The following STARD13 variants were observed in gnomAD, a reference collection of about 807,000 sequenced individuals.
STARD13 encodes StAR related lipid transfer domain containing 13.
In STARD13, 62 loss-of-function variants were observed where a neutral mutation model predicts 106.4. The observed-to-expected ratio is 0.58, with a 90% CI of 0.48 to 0.72. The LOEUF (loss-of-function observed/expected upper bound fraction) is 0.72, where lower values mean the gene tolerates loss of function less well. STARD13 is among the 30% of genes least tolerant of loss of function. The pLI, the probability that STARD13 is intolerant of heterozygous loss-of-function variation, is 0.00. For synonymous variants in STARD13, 565 were observed against 553.0 expected (o/e 1.02, Z -0.31); for missense variants, 1,387 against 1,424.0 (o/e 0.97, Z 0.42).
At chr13:33,445,411 A>G in the STARD13 span, among the ~76,000 whole-genome samples, 1 of 152,206 alleles carries the variant, frequency 6.6e-6, no homozygotes, top group East Asian at 1.9e-4. Flanking sequence ...CAATGAGTAG[A>G]AAAGGTTAAT....
At chr13:33,272,663 A>T (rs1891219944) in intron 1 of STARD13, 1 of 152,160 alleles carries the variant, frequency 6.6e-6, no homozygotes, top group African/African-American at 2.4e-5. Context: ...AAGCAGCCTG[A>T]AGGAAAGGTG....
the STARD13 span, among the ~76,000 whole-genome samples, chr13:33,497,446 G>A: frequency 6.6e-6 from 1 of 152,106 alleles, no homozygotes; most frequent in African/African-American, 2.4e-5. Context: ...TTTTGATAAA[G>A]AAGTGAGAAA....
the STARD13 span, among the ~76,000 whole-genome samples, chr13:33,563,913 T>C: frequency 0.098 from 14,444 of 147,172 alleles, 2,238 homozygotes; most frequent in East Asian, 0.33. Flanking sequence ...AGGGCACGGC[T>C]GGGCACTGTG....
At chr13:33,535,973 C>A in the STARD13 span, among the ~76,000 whole-genome samples, 8 of 152,098 alleles carry the variant, frequency 5.3e-5, no homozygotes, top group Non-Finnish European at 8.8e-5. Flanking sequence ...AGGCTTACAC[C>A]CCAGTTGGTC....
In STARD13 at chr13:33,104,464, A is replaced by G. The variant is rs1458433001; in HGVS notation, c.*1129T>C. 2 of 152,626 alleles carry G rather than the reference A, an allele frequency of 1.3e-5. No homozygotes were observed. The highest frequency in any genetic ancestry group is 2.4e-5 in the African/African-American group (1 of 41,432). 9.5% of individuals were successfully genotyped at this position (152,626 alleles called of 1,614,324 possible). A position where few individuals can be genotyped will look rare whatever the true frequency, so the allele number is the denominator to read the frequency against. ...AGATTGTAAAAGTTTAATGAATTACATTTTAAGAGTATCCTACACATAACA... is the reference window on the plus strand; with the variant it reads ...AGATTGTAAAAGTTTAATGAATTACGTTTTAAGAGTATCCTACACATAACA... On this transcript the variant is annotated 3_prime_UTR_variant, in exon 14 of 14. Transcript: ENST00000336934.
the STARD13 span, among the ~76,000 whole-genome samples, chr13:33,455,507 G>A: frequency 1.3e-5 from 2 of 152,220 alleles, no homozygotes; most frequent in African/African-American, 2.4e-5. Context: ...GTGATTTACC[G>A]GGCTTTAGTT....
chr13:33,341,576 G>A (rs796546493), intron 1 of STARD13, among the ~76,000 whole-genome samples: 10 of 148,606 alleles, frequency 6.7e-5, no homozygotes, highest in African/African-American at 2.5e-4. Context: ...GGGCGACAGA[G>A]CGAGACTCCG....
chr13:33,601,158 T>G, the STARD13 span, among the ~76,000 whole-genome samples: 1 of 151,944 alleles, frequency 6.6e-6, no homozygotes, highest in African/African-American at 2.4e-5. Context: ...TGCATCACAA[T>G]AGAGGATAAG....
At chr13:33,145,044 G>T (rs1880344021) in intron 3 of STARD13, among the ~76,000 whole-genome samples, 1 of 152,120 alleles carries the variant, frequency 6.6e-6, no homozygotes, top group African/African-American at 2.4e-5. Context: ...ATAGCTCTGG[G>T]TCCTTTTATT....
intron 1 of STARD13, among the ~76,000 whole-genome samples, chr13:33,182,472 C>T (rs1021454191): frequency 1.3e-5 from 2 of 152,190 alleles, no homozygotes; most frequent in Non-Finnish European, 2.9e-5. Flanking sequence ...CCACCTCTGT[C>T]TCCTGGACTT....
chr13:33,476,384 A>G, the STARD13 span, among the ~76,000 whole-genome samples: 4 of 152,240 alleles, frequency 2.6e-5, no homozygotes, highest in Non-Finnish European at 5.9e-5. Context: ...AGTTTTCAGC[A>G]CTATATCTAG....
At chr13:33,605,637 G>T in the STARD13 span, among the ~76,000 whole-genome samples, 1 of 152,122 alleles carries the variant, frequency 6.6e-6, no homozygotes, top group Non-Finnish European at 1.5e-5. Context: ...ACCACACTTT[G>T]AATAGCGCTG....
intron 1 of STARD13, among the ~76,000 whole-genome samples, chr13:33,206,955 A>C (rs1015348451): frequency 2.6e-5 from 4 of 152,242 alleles, no homozygotes; most frequent in African/African-American, 9.6e-5. Context: ...AAAGGCACAG[A>C]GTATGCTCTG....
At chr13:33,626,553 T>C in the STARD13 span, among the ~76,000 whole-genome samples, 1 of 152,202 alleles carries the variant, frequency 6.6e-6, no homozygotes, top group African/African-American at 2.4e-5. Flanking sequence ...AAAATAAAGC[T>C]GTTATTACAT....
chr13:33,636,629 A>G, the STARD13 span, among the ~76,000 whole-genome samples: 4 of 152,226 alleles, frequency 2.6e-5, no homozygotes. Context: ...TCAGAAGTCT[A>G]TTCCTGTATC....
chr13:33,440,184 T>C, the STARD13 span, among the ~76,000 whole-genome samples: 12 of 148,888 alleles, frequency 8.1e-5, no homozygotes, highest in South Asian at 4.3e-4. Flanking sequence ...AAGGCTAAGG[T>C]GGGAGGATCT....
At chr13:33,456,253 G>A in the STARD13 span, among the ~76,000 whole-genome samples, 133 of 152,264 alleles carry the variant, frequency 8.7e-4, no homozygotes, top group Non-Finnish European at 8.2e-4. Context: ...GCAATGGCAT[G>A]ATCTCGGCTT....
the STARD13 span, among the ~76,000 whole-genome samples, chr13:33,448,716 C>T: frequency 6.6e-6 from 1 of 152,148 alleles, no homozygotes; most frequent in African/African-American, 2.4e-5. Context: ...ATTTACATTT[C>T]CCCTACCAAT....
the STARD13 span, among the ~76,000 whole-genome samples, chr13:33,669,530 CTTTTTTTTTT>C: frequency 2.9e-5 from 3 of 103,156 alleles, no homozygotes; most frequent in African/African-American, 4.4e-5. Flanking sequence ...AGAGGATGTT[CTTTTTTTTTT>C]TTTTTTTTTT....
Sources: gnomAD v4.1 joint callset for allele counts (sites outside exome capture counted in the v4.1 genomes callset) on GRCh38, gnomAD v4.1.1 for gene constraint, MANE v1.5 for transcripts, NCBI Gene and HGNC (gene_info 2026-07-23, HGNC 2026-07-21) for gene names.